The following WARS2 variants were observed in gnomAD, a reference collection of about 807,000 sequenced individuals.
The protein encoded by WARS2 is tryptophan--tRNA ligase, mitochondrial.
In WARS2, 28 loss-of-function variants were observed where a neutral mutation model predicts 36.5. The observed-to-expected ratio is 0.77, with a 90% CI of 0.57 to 1.05. The LOEUF (loss-of-function observed/expected upper bound fraction) is 1.05. Ranked by LOEUF, WARS2 falls within the 50% of genes least tolerant of loss-of-function variation. The pLI is 0.00. For missense variants in WARS2, 435 were observed against 456.8 expected (o/e 0.95, Z 0.44); for synonymous variants, 174 against 178.4 (o/e 0.98, Z 0.20).
At chr1:119,034,673 A>G (rs756824591) in intron 4 of WARS2, among the ~76,000 whole-genome samples, 68 of 152,220 alleles carry the variant, frequency 4.5e-4, no homozygotes, top group Non-Finnish European at 8.4e-4. Context: ...TTCAGGCAAG[A>G]GTTTTTCCTC....
intron 1 of WARS2, chr1:119,126,870 T>C (rs1655697572): frequency 4.9e-6 from 4 of 812,100 alleles, no homozygotes; most frequent in South Asian, 4.0e-5. Context: ...GTGCTGAGCA[T>C]AAGAGGTCTT....
At chr1:119,134,801 A>G (rs1006061785) in intron 1 of WARS2, among the ~76,000 whole-genome samples, 2 of 152,300 alleles carry the variant, frequency 1.3e-5, no homozygotes, top group African/African-American at 4.8e-5. Flanking sequence ...ATTTAGGAGA[A>G]AGATTTAGGC....
chr1:119,041,960 G>T (rs981044072), intron 4 of WARS2, among the ~76,000 whole-genome samples: 1 of 152,110 alleles, frequency 6.6e-6, no homozygotes, highest in Non-Finnish European at 1.5e-5. Flanking sequence ...TTAGAAGGTT[G>T]TTGTAAGGGT....
At chr1:119,077,838 A>C (rs1174919072) in intron 1 of WARS2, among the ~76,000 whole-genome samples, 1 of 152,204 alleles carries the variant, frequency 6.6e-6, no homozygotes, top group Non-Finnish European at 1.5e-5. Flanking sequence ...AAAACCAAAA[A>C]TGAGTATGTA....
chr1:119,117,831 C>T (rs927063866), intron 1 of WARS2, among the ~76,000 whole-genome samples: 1 of 152,242 alleles, frequency 6.6e-6, no homozygotes, highest in East Asian at 1.9e-4. Flanking sequence ...AAAGCAATAA[C>T]AATAACTGCA....
chr1:119,063,147 T>C (rs1387756360), intron 2 of WARS2: 2 of 153,374 alleles, frequency 1.3e-5, no homozygotes, highest in Admixed American at 6.5e-5. Flanking sequence ...TGTTGGGACC[T>C]GGAGCAAAGG....
chr1:119,140,545 C>T lies in WARS2; in HGVS notation c.90+10G>A, dbSNP rs752482297. 3.5e-5 allele frequency: 57 copies of T among 1,612,320 alleles called. No individual in the cohort carries two copies. Among genetic ancestry groups the T allele is most frequent in the Non-Finnish European group, 4.6e-5 (54 of 1,178,798 alleles). On this transcript the variant is annotated intron_variant, in intron 1 of 5. Transcript: ENST00000235521. ...GGGAAGCCGCGGAGGGAAGGGCCGT[C>T]TTTGGTTACCTGGAGAGCGGGAGCA... is the stretch of plus-strand genomic sequence containing the variant.
At chr1:119,080,885 C>T (rs1652142289) in intron 1 of WARS2, among the ~76,000 whole-genome samples, 1 of 152,198 alleles carries the variant, frequency 6.6e-6, no homozygotes, top group Middle Eastern at 3.2e-3. Flanking sequence ...AGCCCACAGG[C>T]ATTCATTCAA....
chr1:119,080,715 C>G (rs1220408920), intron 1 of WARS2, among the ~76,000 whole-genome samples: 1 of 152,116 alleles, frequency 6.6e-6, no homozygotes, highest in Non-Finnish European at 1.5e-5. Flanking sequence ...ATGCCAGGTA[C>G]CATGAAATCA....
At chr1:119,105,075 G>A (rs1654139816) in intron 1 of WARS2, among the ~76,000 whole-genome samples, 1 of 152,210 alleles carries the variant, frequency 6.6e-6, no homozygotes, top group African/African-American at 2.4e-5. Context: ...GTAAGCAGCA[G>A]CAGTGGATTT....
chr1:119,068,214 T>A (rs911473324), intron 2 of WARS2, among the ~76,000 whole-genome samples: 9 of 152,206 alleles, frequency 5.9e-5, no homozygotes, highest in Non-Finnish European at 1.2e-4. Context: ...GTTTAACAAA[T>A]ATAAATACAC....
intron 2 of WARS2, among the ~76,000 whole-genome samples, chr1:119,048,387 T>C (rs1387403142): frequency 2.0e-5 from 3 of 152,246 alleles, no homozygotes; most frequent in Admixed American, 6.5e-5. Flanking sequence ...ACCTAGCATA[T>C]AGTAACTACT....
intron 1 of WARS2, among the ~76,000 whole-genome samples, chr1:119,110,215 T>A (rs950146153): frequency 6.6e-6 from 1 of 152,048 alleles, no homozygotes; most frequent in Non-Finnish European, 1.5e-5. Flanking sequence ...TCACTTATTC[T>A]TTCTCTGATG....
chr1:119,116,885 G>A (rs1571382869), intron 1 of WARS2, among the ~76,000 whole-genome samples: 4 of 152,170 alleles, frequency 2.6e-5, no homozygotes, highest in East Asian at 3.9e-4. Flanking sequence ...GAACTTCCCC[G>A]AGTAGAATCC....
At chr1:119,127,262 C>G in intron 1 of WARS2, 1 of 742,954 alleles carries the variant, frequency 1.3e-6, no homozygotes, top group Admixed American at 1.9e-5. Context: ...TGCCGCCTTT[C>G]ATAAGGCGCT....
chr1:119,126,479 A>ATTTT, intron 1 of WARS2: 3 of 341,088 alleles, frequency 8.8e-6, no homozygotes, highest in East Asian at 1.3e-4. Flanking sequence ...GGTAGATACT[A>ATTTT]TTTTTTTTTT....
intron 4 of WARS2, 93 bp from the exon 5 acceptor site, chr1:119,034,306 C>A: frequency 9.7e-7 from 1 of 1,028,034 alleles, no homozygotes. Context: ...GTGAATATTT[C>A]ACTGTTGGTA....
intron 2 of WARS2, among the ~76,000 whole-genome samples, chr1:119,074,518 A>G (rs972595927): frequency 6.6e-6 from 1 of 152,242 alleles, no homozygotes; most frequent in African/African-American, 2.4e-5. Flanking sequence ...GAATTTGAAA[A>G]GTCATGTGTA....
chr1:119,034,356 C>T, intron 4 of WARS2, 143 bp from the exon 5 acceptor site: 3 of 687,286 alleles, frequency 4.4e-6, no homozygotes, highest in Non-Finnish European at 5.0e-6. Context: ...AATGTTTAGA[C>T]CTAAGTCTTT....
Sources: gnomAD v4.1 joint callset for allele counts (sites outside exome capture counted in the v4.1 genomes callset) on GRCh38, gnomAD v4.1.1 for gene constraint, MANE v1.5 for transcripts, NCBI Gene and HGNC (gene_info 2026-07-23, HGNC 2026-07-21) for gene names.